Variants in RABL2B observed in about 807,000 individuals in gnomAD.
RABL2B encodes RAB, member of RAS oncogene family like 2B, also known as rab-like protein 2B.
A neutral mutation model predicts 26.7 loss-of-function variants in RABL2B; 17 were observed. The ratio of observed to expected loss-of-function variants is 0.64; its 90% CI spans 0.44 to 0.95. The LOEUF (loss-of-function observed/expected upper bound fraction) is 0.95, where lower values mean the gene tolerates loss of function less well. RABL2B is among the 40% of genes least tolerant of loss of function. The pLI, the probability that RABL2B is intolerant of heterozygous loss-of-function variation, is 0.00. For missense variants in RABL2B, 170 were observed against 277.2 expected, an observed-to-expected ratio of 0.61 and a Z score of 2.75; for synonymous variants, 70 against 103.9, an observed-to-expected ratio of 0.67 and a Z score of 1.99.
At position 50,768,527 on chromosome 22, in the gene RABL2B, G is replaced by C. The variant is rs1160801534; in HGVS notation, c.*249C>G. On this transcript the variant is annotated 3_prime_UTR_variant, in exon 9 of 9. Coordinates refer to ENST00000691320, the MANE Select transcript of RABL2B (RefSeq NM_001130919.3). ...TGCCTGCGGGGAGGGGGTGGGGAAG[G>C]TGTTAATGATGCTGATCCCTACTTC... 3 of 872,986 alleles carry C rather than the reference G, an allele frequency of 3.4e-6. No individual in the cohort carries two copies. The African/African-American group carries it at 5.2e-5, about 15-fold the overall frequency. 54.1% of individuals were successfully genotyped at this position (872,986 alleles called of 1,614,324 possible). A position where few individuals can be genotyped will look rare whatever the true frequency, so the allele number is the denominator to read the frequency against.
At position 50,775,862 on chromosome 22, in the gene RABL2B, A is replaced by G. The variant is rs782429882; in HGVS notation, c.218-11T>C. 3 of 1,614,204 alleles carry G rather than the reference A, an allele frequency of 1.9e-6. No individual in the cohort carries two copies. In the South Asian group the frequency reaches 3.3e-5, roughly 18 times the overall value. ...CCGTGTCCCAAAAGTCTGCAATGTG[A>G]ACACAGACAGACCTACATGCCTGGT... On this transcript the variant is annotated splice_polypyrimidine_tract_variant and intron_variant, in intron 4 of 8. Transcript: ENST00000691320.
At chr22:50,774,086 G>A (rs1209658160) in intron 5 of RABL2B, among the ~76,000 whole-genome samples, 1 of 152,020 alleles carries the variant, frequency 6.6e-6, no homozygotes, top group Admixed American at 6.6e-5. Flanking sequence ...TAGTAGAGAC[G>A]GGGTTTCACC....
chr22:50,769,871 A>T (rs1555916961), intron 6 of RABL2B, 34 bp downstream of exon 6: 1 of 1,599,510 alleles, frequency 6.3e-7, no homozygotes, highest in Non-Finnish European at 8.6e-7. Context: ...GTCCCCAGTG[A>T]ATTGCTAACA....
chr22:50,774,266 T>C (rs1219138773), intron 5 of RABL2B, among the ~76,000 whole-genome samples: 2 of 152,046 alleles, frequency 1.3e-5, no homozygotes, highest in African/African-American at 2.4e-5. Flanking sequence ...TTTAACCATA[T>C]GATTCTGGTT....
chr22:50,772,669 CTA>C (rs2084362286), intron 5 of RABL2B: 1 of 1,037,438 alleles, frequency 9.6e-7, no homozygotes, highest in Non-Finnish European at 1.2e-6. Flanking sequence ...GGCAGGAAGT[CTA>C]TGTAGATTCT....
chr22:50,781,067 G>A (rs573566751), intron 2 of RABL2B, among the ~76,000 whole-genome samples: 43 of 152,192 alleles, frequency 2.8e-4, no homozygotes, highest in Non-Finnish European at 5.1e-4. Context: ...GAGGCCGGGC[G>A]CGGTGGCTCA....
At position 50,775,120 on chromosome 22, in the gene RABL2B, CT is replaced by C. The variant is rs1373954165; in HGVS notation, c.297+651del. 5.3e-5 allele frequency among the ~76,000 whole-genome samples: 8 copies of C among 152,304 alleles called. No individual in the cohort carries two copies. In the East Asian group the frequency reaches 1.5e-3, roughly 29 times the overall value. ...AGTGACCCAAAAGAAAAACATGCTC[CT>C]TTTCAGCATTTAAAAGTGGTGGCCT... On this transcript the variant is annotated intron_variant, in intron 5 of 8. Transcript: ENST00000691320.
chr22:50,774,931 C>T (rs2084746411), intron 5 of RABL2B, among the ~76,000 whole-genome samples: 1 of 152,110 alleles, frequency 6.6e-6, no homozygotes, highest in Non-Finnish European at 1.5e-5. Context: ...GCACCCGCCA[C>T]CATGCCCGGC....
rs139609882 is a variant in RABL2B at position 50,769,542 on chromosome 22, G to A, written c.420C>T (p.Asn140=). Residue 140 remains asparagine, a synonymous_variant, in exon 7 of 9, where the codon AAC becomes AAT. Transcript: ENST00000691320. ...CAAAATTGAAGCTTTTTTGGGTCACGTTTATGTCTGCTGTAGAGAGAAGGT... is the reference window on the plus strand; with the variant it reads ...CAAAATTGAAGCTTTTTTGGGTCACATTTATGTCTGCTGTAGAGAGAAGGT... ...VVANKIDADI[N]VTQKSFNFAK... is the part of the protein sequence containing the mutation. 1.2e-5 allele frequency: 19 copies of A among 1,612,018 alleles called. No individual in the cohort carries two copies. Among genetic ancestry groups the A allele is most frequent in the African/African-American group, 6.8e-5 (5 of 73,514 alleles).
intron 4 of RABL2B, 70 bp downstream of exon 4, chr22:50,776,600 C>T: frequency 1.9e-6 from 3 of 1,541,660 alleles, no homozygotes; most frequent in South Asian, 1.2e-5. Context: ...TATGAACCTT[C>T]CCTCACCTCC....
chr22:50,778,066 G>A (rs1371687708), intron 2 of RABL2B, 85 bp from the exon 3 acceptor site: 44 of 1,601,534 alleles, frequency 2.7e-5, no homozygotes, highest in Middle Eastern at 1.7e-4. Context: ...CTGACAACCT[G>A]GAAGCCACCT....
chr22:50,782,383 G>A (rs2086027695), intron 1 of RABL2B, 36 bp from the exon 2 acceptor site: 1 of 1,429,280 alleles, frequency 7.0e-7, no homozygotes, highest in East Asian at 2.3e-5. Context: ...TGTTGTCAGA[G>A]ATAAGTCCCC....
In RABL2B at chr22:50,782,257, T is replaced by C; in HGVS notation, c.38A>G (p.Gln13Arg). Reference sequence around the variant, plus strand: ...GTTGTCATCAGCATCATACTTCCCTTGGTCCAACTCACTCGGTTTGGTTTT... The same window carrying C: ...GTTGTCATCAGCATCATACTTCCCTCGGTCCAACTCACTCGGTTTGGTTTT... ...EDKTKPSELDQGKYDADDNVK... is the reference protein window; with the variant it reads ...EDKTKPSELDRGKYDADDNVK... The change falls in exon 2 of 9, where the codon CAA becomes CGA. Residue 13 changes from glutamine (Q) to arginine (R), a missense_variant. Around this residue, in one of 2 missense-constraint regions of RABL2B, gnomAD observed 5 missense variants for 45.2 expected, o/e 0.11. Transcript: ENST00000691320. 1 of 1,566,812 alleles carries C rather than the reference T, an allele frequency of 6.4e-7. No individual in the cohort carries two copies. The highest frequency in any genetic ancestry group is 8.7e-7 in the Non-Finnish European group (1 of 1,148,348).
rs138784280 is a variant in RABL2B, at chr22:50,777,832, G to T, written c.137+120C>A. On this transcript the variant is annotated intron_variant, in intron 3 of 8. Transcript: ENST00000691320. ...AACAAGTGCGGAACAAAACCTGTGC[G>T]TTCACTTACCCAATCCTCCTTCCTG... is the stretch of plus-strand genomic sequence containing the variant. The T allele has an allele frequency of 3.0e-3, 4,533 of 1,513,046 alleles. 115 individuals are homozygous for T. In the African/African-American group the frequency reaches 0.057, roughly 19 times the overall value. 93.7% of individuals were successfully genotyped at this position (1,513,046 alleles called of 1,614,324 possible).
In RABL2B at chr22:50,768,777, C is replaced by T; in HGVS notation, c.689G>A (p.Ter230=). ...CCACCCACCCCTAGCCCCAGCCCCT[C>T]AGCTGTGGGGAGAGGCCGCCTCCTC... ...PSEEAASPHS[*] is the part of the protein sequence containing the mutation. Residue 230 remains the stop codon, a stop_retained_variant, in exon 9 of 9, where the codon TGA becomes TAA. Transcript: ENST00000691320. 6.2e-7 allele frequency: 1 copy of T among 1,613,904 alleles called. No homozygotes were observed. Among genetic ancestry groups the T allele is most frequent in the Non-Finnish European group, 8.5e-7 (1 of 1,179,862 alleles).
intron 3 of RABL2B, among the ~76,000 whole-genome samples, chr22:50,777,272 C>T (rs2085135216): frequency 6.6e-6 from 1 of 152,148 alleles, no homozygotes; most frequent in East Asian, 1.9e-4. Flanking sequence ...AGAAGCCGGA[C>T]AGTGTAAAAA....
At position 50,783,496 on chromosome 22, in the gene RABL2B, C is replaced by G. The variant is rs1449485864; in HGVS notation, c.-54+5G>C. The G allele has an allele frequency of 4.6e-5, 7 of 152,198 alleles. No individual in the cohort carries two copies. Among genetic ancestry groups the G allele is most frequent in the Non-Finnish European group, 8.8e-5 (6 of 68,018 alleles). 9.4% of individuals were successfully genotyped at this position (152,198 alleles called of 1,614,324 possible). A position where few individuals can be genotyped will look rare whatever the true frequency, so the allele number is the denominator to read the frequency against. ...AGCCAGCCACCGGGGCGGATTTGCCCTCACGTGCGGTTCCGAGTGAGGGCT... is the reference window on the plus strand; with the variant it reads ...AGCCAGCCACCGGGGCGGATTTGCCGTCACGTGCGGTTCCGAGTGAGGGCT... On this transcript the variant is annotated splice_donor_5th_base_variant and intron_variant, in intron 1 of 8. Transcript: ENST00000691320.
intron 2 of RABL2B, among the ~76,000 whole-genome samples, chr22:50,781,315 G>T (rs1490801877): frequency 6.8e-6 from 1 of 147,096 alleles, no homozygotes; most frequent in Non-Finnish European, 1.5e-5. Flanking sequence ...CTGCACTCCA[G>T]CCTGGGGGAC....
rs2146903342 is a variant in RABL2B, at chr22:50,768,396, T to A, written c.*380A>T. ...GAAGCCCAAGGAATTGTCCCCGAGGTGAGCTTTGGAAAGAAAACAAAAACA... is the reference window on the plus strand; with the variant it reads ...GAAGCCCAAGGAATTGTCCCCGAGGAGAGCTTTGGAAAGAAAACAAAAACA... On this transcript the variant is annotated 3_prime_UTR_variant, in exon 9 of 9. Coordinates refer to ENST00000691320, the MANE Select transcript of RABL2B (RefSeq NM_001130919.3). The A allele has an allele frequency of 3.3e-6, 1 of 301,312 alleles. No individual in the cohort carries two copies. Among genetic ancestry groups the A allele is most frequent in the African/African-American group, 2.2e-5 (1 of 45,000 alleles). 18.7% of individuals were successfully genotyped at this position (301,312 alleles called of 1,614,324 possible).
Sources: allele counts gnomAD v4.1 joint callset (sites outside exome capture counted in the v4.1 genomes callset), GRCh38; gene constraint gnomAD v4.1.1; regional missense constraint gnomAD v4.1.1; transcripts MANE v1.5; gene names NCBI Gene and HGNC (gene_info 2026-07-23, HGNC 2026-07-21).